SLC15A1: variants seen among roughly 807,000 people sequenced by gnomAD.
SLC15A1 encodes the protein Caco-2 oligopeptide transporter.
SLC15A1 carries 83 observed loss-of-function variants against 92.9 expected under a neutral mutation model. That is an observed-to-expected ratio of 0.89 (90% CI 0.75 to 1.07). The LOEUF (loss-of-function observed/expected upper bound fraction) is 1.07. Among genes scored for constraint, SLC15A1 ranks in the 50% least tolerant of loss-of-function variants. SLC15A1 has a pLI of 0.00. For synonymous variants in SLC15A1, 322 were observed against 318.2 expected (o/e 1.01, Z -0.13); for missense variants, 857 against 880.1 (o/e 0.97, Z 0.33).
At chr13:98,714,782 A>AT (rs201513125) in intron 9 of SLC15A1, among the ~76,000 whole-genome samples, 17,078 of 151,300 alleles carry the variant, frequency 0.11, 1,588 homozygotes, top group African/African-American at 0.25. Context: ...CACACATGTG[A>AT]TTTTTTTTTA....
chr13:98,727,743 T>A (rs566658363), intron 1 of SLC15A1, among the ~76,000 whole-genome samples: 1 of 152,312 alleles, frequency 6.6e-6, no homozygotes, highest in Non-Finnish European at 1.5e-5. Flanking sequence ...CACAAACACA[T>A]TGCCCTGTGT....
intron 18 of SLC15A1, 36 bp downstream of exon 18, chr13:98,702,444 T>C: frequency 7.0e-7 from 1 of 1,432,304 alleles, no homozygotes; most frequent in Non-Finnish European, 9.8e-7. Context: ...TTCATAAGAA[T>C]CTGATAAAAC....
chr13:98,744,564 G>C (rs955854553), intron 1 of SLC15A1, among the ~76,000 whole-genome samples: 1 of 151,466 alleles, frequency 6.6e-6, no homozygotes, highest in Non-Finnish European at 1.5e-5. Flanking sequence ...GCCTGGCCAA[G>C]GTAGCAAAAC....
intron 15 of SLC15A1, among the ~76,000 whole-genome samples, chr13:98,708,113 G>T (rs557624533): frequency 1.5e-4 from 23 of 152,068 alleles, no homozygotes; most frequent in African/African-American, 5.5e-4. Flanking sequence ...AGGAACGAGA[G>T]AAAGACAGAG....
rs771620312 is a variant in SLC15A1, at chr13:98,726,156, G to T, written c.212C>A (p.Ala71Asp). The change falls in exon 4 of 23, where the codon GCT becomes GAT. Residue 71 changes from alanine (A) to aspartate (D), a missense_variant. Transcript: ENST00000376503. Reference protein sequence around the residue: ...ALCYLTPILGALIADSWLGKF... With the variant: ...ALCYLTPILGDLIADSWLGKF... The stretch of plus-strand genomic sequence containing the variant: ...TCCCAGCCACGAGTCGGCGATAAGA[G>T]CTCCGAGAATTGGCGTCAGGTAGCA... 3.1e-6 allele frequency: 5 copies of T among 1,614,170 alleles called. No individual in the cohort carries two copies. In the South Asian group the frequency reaches 5.5e-5, roughly 18 times the overall value.
intron 18 of SLC15A1, among the ~76,000 whole-genome samples, chr13:98,701,829 T>C (rs965688073): frequency 7.9e-5 from 12 of 151,664 alleles, no homozygotes; most frequent in African/African-American, 2.7e-4. Flanking sequence ...TGCCACCACA[T>C]CTGGCTATTT....
intron 18 of SLC15A1, among the ~76,000 whole-genome samples, chr13:98,694,500 ACATAGTGGGTG>A (rs1254082937): frequency 1.3e-5 from 2 of 152,298 alleles, no homozygotes; most frequent in Admixed American, 6.5e-5. Flanking sequence ...CCATACTCAT[ACATAGTGGGTG>A]CATGCTCAAA....
At chr13:98,702,439 A>G in intron 18 of SLC15A1, 41 bp downstream of exon 18, 1 of 1,373,868 alleles carries the variant, frequency 7.3e-7, no homozygotes, top group Non-Finnish European at 1.0e-6. Context: ...TTACTTTCAT[A>G]AGAATCTGAT....
At chr13:98,709,070 C>A (rs573760495) in intron 14 of SLC15A1, among the ~76,000 whole-genome samples, 1 of 150,840 alleles carries the variant, frequency 6.6e-6, no homozygotes, top group Admixed American at 6.6e-5. Flanking sequence ...TAGCTTCAAG[C>A]AATTCTCATG....
At chr13:98,693,087 GTTTTTTTTTTTTT>G (rs55817470) in intron 18 of SLC15A1, among the ~76,000 whole-genome samples, 9 of 58,048 alleles carry the variant, frequency 1.6e-4, no homozygotes, top group African/African-American at 5.9e-4. Context: ...TATTGTCTAC[GTTTTTTTTTTTTT>G]TTTTTTTTTT....
intron 1 of SLC15A1, among the ~76,000 whole-genome samples, chr13:98,728,018 A>G (rs1264413275): frequency 6.6e-6 from 1 of 152,166 alleles, no homozygotes; most frequent in Non-Finnish European, 1.5e-5. Context: ...TGAGATGGAC[A>G]CTTGAGCTTG....
intron 11 of SLC15A1, 47 bp downstream of exon 11, chr13:98,711,807 T>C (rs2088165073): frequency 2.1e-6 from 3 of 1,407,848 alleles, no homozygotes; most frequent in Admixed American, 1.7e-5. Context: ...CAGTGCGGGA[T>C]GTACGCTTGC....
intron 1 of SLC15A1, among the ~76,000 whole-genome samples, chr13:98,738,107 A>C (rs1239194490): frequency 2.0e-5 from 3 of 152,224 alleles, no homozygotes; most frequent in African/African-American, 7.2e-5. Context: ...TCTAAGCAGC[A>C]AAGGATTCAA....
intron 7 of SLC15A1, chr13:98,720,809 G>C: frequency 3.4e-6 from 1 of 292,350 alleles, no homozygotes; most frequent in Non-Finnish European, 6.7e-6. Context: ...CCAGCACTTT[G>C]GGAGGCCAAG....
intron 1 of SLC15A1, among the ~76,000 whole-genome samples, chr13:98,736,636 A>G (rs901261603): frequency 3.9e-5 from 6 of 152,344 alleles, no homozygotes; most frequent in African/African-American, 1.4e-4. Flanking sequence ...AACTTAAATA[A>G]ATTTATAAGA....
At chr13:98,700,484 C>CAAAAAAAAAAAAAAAAAA (rs56342746) in intron 18 of SLC15A1, among the ~76,000 whole-genome samples, 32 of 50,906 alleles carry the variant, frequency 6.3e-4, no homozygotes, top group South Asian at 1.3e-3. Context: ...GACCCTGTCT[C>CAAAAAAAAAAAAAAAAAA]AAAAAAAAAA....
chr13:98,714,618 C>G (rs2088197305), intron 9 of SLC15A1, among the ~76,000 whole-genome samples: 1 of 147,894 alleles, frequency 6.8e-6, no homozygotes, highest in African/African-American at 2.5e-5. Context: ...TGCACCACTG[C>G]CCTCCAGCCT....
At chr13:98,726,551 T>A in intron 2 of SLC15A1, 102 bp from the exon 3 acceptor site, 1 of 1,042,778 alleles carries the variant, frequency 9.6e-7, no homozygotes, top group Non-Finnish European at 1.5e-6. Context: ...GCAGATTCAG[T>A]AACTTACCGG....
At chr13:98,715,575 G>T (rs1459091406) in intron 9 of SLC15A1, among the ~76,000 whole-genome samples, 4 of 152,138 alleles carry the variant, frequency 2.6e-5, no homozygotes, top group Admixed American at 6.5e-5. Context: ...CCCCATTTTT[G>T]ATTCACTGCT....
Sources: allele counts gnomAD v4.1 joint callset (sites outside exome capture counted in the v4.1 genomes callset), GRCh38; gene constraint gnomAD v4.1.1; transcripts MANE v1.5; gene names NCBI Gene and HGNC (gene_info 2026-07-23, HGNC 2026-07-21).